Variants in LAS1L observed in about 807,000 individuals in gnomAD.
LAS1L encodes the protein LAS1 like ribosome biogenesis factor.
In LAS1L, 5 loss-of-function variants were observed where a neutral mutation model predicts 57.3. The ratio of observed to expected loss-of-function variants is 0.09; its 90% CI spans 0.05 to 0.18. LAS1L has a LOEUF of 0.18. Among genes scored for constraint, LAS1L ranks in the 10% least tolerant of loss-of-function variants. LAS1L has a pLI of 1.00. For missense variants in LAS1L, 360 were observed against 568.3 expected (o/e 0.63, Z 3.73); for synonymous variants, 245 against 231.7 (o/e 1.06, Z -0.52).
intron 5 of LAS1L, 93 bp from the exon 6 acceptor site, chrX:65,529,351 G>T: frequency 3.7e-6 from 3 of 812,301 alleles, no homozygotes; most frequent in Non-Finnish European, 5.3e-6. Context: ...TTCTTGAGTT[G>T]TAATTGAGGA....
chrX:65,529,628 A>G lies in LAS1L; in HGVS notation c.765T>C (p.His255=), dbSNP rs142060920. ...CTTTATGACTCAGGGCCTTTTTGCA[A>G]TGAGAATCCACCTCTTCGCTGCCTT... The part of the protein sequence containing the change: ...DSKGSEEVDS[H]CKKALSHKEL... The change falls in exon 5 of 14, where the codon CAT becomes CAC. Residue 255 remains histidine, a synonymous_variant. Coordinates refer to ENST00000374811, the MANE Select transcript of LAS1L (RefSeq NM_031206.7). The G allele has an allele frequency of 7.4e-6, 9 of 1,209,702 alleles. No individual in the cohort carries two copies. The highest frequency in any genetic ancestry group is 1.0e-5 in the Non-Finnish European group (9 of 895,184).
chrX:65,526,351 G>A (rs759090653), intron 7 of LAS1L, among the ~76,000 whole-genome samples: 1 of 111,723 alleles, frequency 9.0e-6, no homozygotes, highest in Non-Finnish European at 1.9e-5. Flanking sequence ...CTGGAAAATT[G>A]ACATACTTAG....
intron 13 of LAS1L, among the ~76,000 whole-genome samples, chrX:65,513,329 T>A (rs1445633636): frequency 8.9e-6 from 1 of 111,842 alleles, no homozygotes; most frequent in African/African-American, 3.3e-5. Flanking sequence ...AGGCCAGGCT[T>A]GGGCTATAAG....
chrX:65,518,842 G>T (rs1340971213), intron 11 of LAS1L: 6 of 754,598 alleles, frequency 8.0e-6, no homozygotes, highest in Non-Finnish European at 9.4e-6. Flanking sequence ...CAGCCAACAG[G>T]CCTGCAGGGC....
At chrX:65,529,135 TTC>T (rs1332863223) in intron 6 of LAS1L, 75 bp downstream of exon 6, 211 of 848,562 alleles carry the variant, frequency 2.5e-4, no homozygotes, top group Non-Finnish European at 5.1e-5. Flanking sequence ...TTCTCAAGAC[TTC>T]TCTCAGGTAG....
intron 11 of LAS1L, chrX:65,523,320 G>C (rs1271287070): frequency 3.2e-6 from 1 of 316,728 alleles, no homozygotes; most frequent in Non-Finnish European, 5.5e-6. Context: ...AGCACTCTAG[G>C]GGGATTGTCT....
At chrX:65,517,567 T>C (rs2068694382) in intron 12 of LAS1L, among the ~76,000 whole-genome samples, 1 of 111,638 alleles carries the variant, frequency 9.0e-6, no homozygotes, top group Non-Finnish European at 1.9e-5. Context: ...GTTCCTTCTT[T>C]CTAATACACA....
chrX:65,518,255 C>T lies in LAS1L; in HGVS notation c.1659G>A (p.Gln553=). ...SSSFGSEAKA[Q]QQEEQGSVND... is the part of the protein sequence containing the mutation. ...TAACACTGCCCTGCTCCTCCTGTTG[C>T]TGGGCCTTTGCTTCAGACCCGAAGC... Residue 553 remains glutamine, a synonymous_variant, in exon 12 of 14, where the codon CAG becomes CAA. Transcript: ENST00000374811. 1 of 1,212,325 alleles carries T rather than the reference C, an allele frequency of 8.2e-7. No individual in the cohort carries two copies. The highest frequency in any genetic ancestry group is 1.1e-6 in the Non-Finnish European group (1 of 895,652).
chrX:65,516,014 G>A (rs1490227401), intron 12 of LAS1L, among the ~76,000 whole-genome samples: 1 of 111,730 alleles, frequency 9.0e-6, no homozygotes, highest in African/African-American at 3.3e-5. Flanking sequence ...TTCCACAAGT[G>A]CATTCAGTGT....
intron 7 of LAS1L, among the ~76,000 whole-genome samples, chrX:65,525,469 C>T (rs935119519): frequency 1.8e-5 from 2 of 110,875 alleles, no homozygotes; most frequent in African/African-American, 6.6e-5. Flanking sequence ...TTCTTCAGTA[C>T]CCTACCCCTT....
chrX:65,515,062 C>A, intron 12 of LAS1L, 89 bp from the exon 13 acceptor site: 2 of 931,238 alleles, frequency 2.1e-6, no homozygotes, highest in East Asian at 3.3e-5. Context: ...CATCCACCCA[C>A]CCCACTTAGC....
At chrX:65,533,588 C>T in intron 2 of LAS1L, 22 bp downstream of exon 2, 1 of 1,208,684 alleles carries the variant, frequency 8.3e-7, no homozygotes, top group Non-Finnish European at 1.1e-6. Context: ...CAACCTCCAC[C>T]CCTACCCCAT....
At chrX:65,513,649 G>A (rs1412309429) in intron 13 of LAS1L, among the ~76,000 whole-genome samples, 1 of 112,445 alleles carries the variant, frequency 8.9e-6, no homozygotes, top group Non-Finnish European at 1.9e-5. Context: ...GCCAAGTCAG[G>A]GGTGGAGCTG....
intron 2 of LAS1L, among the ~76,000 whole-genome samples, chrX:65,532,955 T>C (rs1014398488): frequency 8.9e-6 from 1 of 112,115 alleles, no homozygotes; most frequent in Non-Finnish European, 1.9e-5. Context: ...CATCAGATAA[T>C]GGGGAGCACA....
At position 65,523,435 on chromosome X, in the gene LAS1L, C is replaced by A. The variant is rs143928884; in HGVS notation, c.1448+125G>T. 1.4e-3 allele frequency: 922 copies of A among 672,872 alleles called. 6 individuals are homozygous for A. In the African/African-American group the frequency reaches 0.018, roughly 13 times the overall value. The allele number at this position is 672,872 out of a possible 1,213,427, so 55.5% of individuals were successfully genotyped here. A position where few individuals can be genotyped will look rare whatever the true frequency, so the allele number is the denominator to read the frequency against. ...CTCTGGACTCAGTTGTCCCATCTGT[C>A]AGTGGGAGTGAGACTGGGCTAGACT... On this transcript the variant is annotated intron_variant, in intron 11 of 13. Transcript: ENST00000374811.
intron 8 of LAS1L, 134 bp from the exon 9 acceptor site, chrX:65,524,748 A>T: frequency 8.1e-6 from 1 of 123,218 alleles, no homozygotes; most frequent in Non-Finnish European, 1.6e-5. Flanking sequence ...ACCCCACCCC[A>T]TCCCACCCCA....
In LAS1L at chrX:65,529,844, G is replaced by A; in HGVS notation, c.549C>T (p.Thr183=). 8.3e-7 allele frequency: 1 copy of A among 1,211,783 alleles called. No homozygotes were observed. The highest frequency in any genetic ancestry group is 1.1e-6 in the Non-Finnish European group (1 of 895,506). ...TGTTCTCCAGTTGGCGGCACCAATA[G>A]GTCTTCTGGAGCCAATCCAGGACAA... is the stretch of plus-strand genomic sequence containing the variant. ...CYFVLDWLQK[T]YWCRQLENSL... The change falls in exon 5 of 14, where the codon ACC becomes ACT. Residue 183 remains threonine, a synonymous_variant. Transcript: ENST00000374811.
At chrX:65,527,974 A>G (rs1164988072) in intron 7 of LAS1L, among the ~76,000 whole-genome samples, 3 of 112,300 alleles carry the variant, frequency 2.7e-5, no homozygotes, top group African/African-American at 9.7e-5. Context: ...AGTTGTCAAG[A>G]GCTCCACATG....
rs764248575 is a variant in LAS1L, at chrX:65,518,432, G to A, written c.1482C>T (p.Asp494=). 4.1e-6 allele frequency: 5 copies of A among 1,208,213 alleles called. No homozygotes were observed. Among genetic ancestry groups the A allele is most frequent in the Admixed American group, 4.3e-5 (2 of 46,009 alleles). ...TGCGCAGCAGCTTCTCCTGCTCCTC[G>A]TCTGGCAGGCCCTGCCCCATGGCTT... ...IFKAMGQGLP[D]EEQEKLLRIC... The change falls in exon 12 of 14, where the codon GAC becomes GAT. Residue 494 remains aspartate (D), a synonymous_variant. Coordinates refer to ENST00000374811, the MANE Select transcript of LAS1L (RefSeq NM_031206.7).
Sources: allele counts gnomAD v4.1 joint callset (sites outside exome capture counted in the v4.1 genomes callset), GRCh38; gene constraint gnomAD v4.1.1; transcripts MANE v1.5; gene names NCBI Gene and HGNC (gene_info 2026-07-23, HGNC 2026-07-21).